IQGAP2: variants seen among roughly 807,000 people sequenced by gnomAD.
IQGAP2 encodes IQ motif containing GTPase activating protein 2, also known as ras GTPase-activating-like protein IQGAP2.
A neutral mutation model predicts 201.3 loss-of-function variants in IQGAP2; 173 were observed. The ratio of observed to expected loss-of-function variants is 0.86; its 90% CI spans 0.76 to 0.98. The LOEUF (loss-of-function observed/expected upper bound fraction) is 0.98. Among genes scored for constraint, IQGAP2 ranks in the 50% least tolerant of loss-of-function variants. The probability of loss-of-function intolerance (pLI) is 0.00; values close to 1 mark genes in which losing one functional copy is unlikely to be tolerated. For missense variants in IQGAP2, 1,687 were observed against 1,864.8 expected, an observed-to-expected ratio of 0.90 and a Z score of 1.76; for synonymous variants, 675 against 673.9, an observed-to-expected ratio of 1.00 and a Z score of -0.03.
chr5:76,594,800 A>G lies in IQGAP2; in HGVS notation c.907+1875A>G, dbSNP rs376874520. 1.3e-3 allele frequency among the ~76,000 whole-genome samples: 192 copies of G among 152,178 alleles called. 1 individual carries two copies. The South Asian group carries it at 0.038, about 30-fold the overall frequency. ...GCTAATATAGTGAAACCCTGTCTCTACTAAAAATACAAAAAGTCAGCCAGG... is the reference window on the plus strand; with the variant it reads ...GCTAATATAGTGAAACCCTGTCTCTGCTAAAAATACAAAAAGTCAGCCAGG... On this transcript the variant is annotated intron_variant, in intron 9 of 35. Transcript: ENST00000274364.
At chr5:76,523,406 A>G (rs1332613951) in intron 2 of IQGAP2, among the ~76,000 whole-genome samples, 1 of 152,140 alleles carries the variant, frequency 6.6e-6, no homozygotes, top group Non-Finnish European at 1.5e-5. Context: ...TTTCACTGGG[A>G]AAGATTATTG....
At chr5:76,658,361 G>T (rs951376091) in intron 20 of IQGAP2, 98 bp from the exon 21 acceptor site, 6 of 989,484 alleles carry the variant, frequency 6.1e-6, no homozygotes, top group Non-Finnish European at 9.5e-6. Context: ...ACTTTCATTG[G>T]TATATTTTTC....
intron 2 of IQGAP2, among the ~76,000 whole-genome samples, chr5:76,528,329 C>T (rs2150203498): frequency 6.8e-6 from 1 of 147,588 alleles, no homozygotes; most frequent in African/African-American, 2.5e-5. Flanking sequence ...TCCAGCAAGT[C>T]AGAGTTCCTT....
At chr5:76,694,774 A>C (rs1746576787) in intron 31 of IQGAP2, among the ~76,000 whole-genome samples, 1 of 152,246 alleles carries the variant, frequency 6.6e-6, no homozygotes, top group African/African-American at 2.4e-5. Flanking sequence ...CTATTGGGTC[A>C]GTCAATTGTC....
intron 13 of IQGAP2, chr5:76,624,224 A>T (rs1750013284): frequency 6.6e-6 from 1 of 152,212 alleles, no homozygotes; most frequent in South Asian, 2.1e-4. Context: ...ACAACATATA[A>T]GCTTTTATGA....
intron 1 of IQGAP2, among the ~76,000 whole-genome samples, chr5:76,425,837 T>G (rs996159105): frequency 2.0e-5 from 3 of 152,188 alleles, no homozygotes; most frequent in African/African-American, 7.2e-5. Context: ...ATAACACCAC[T>G]GTGCCTCATG....
intron 35 of IQGAP2, among the ~76,000 whole-genome samples, chr5:76,703,322 A>G (rs913600636): frequency 3.3e-5 from 5 of 151,942 alleles, no homozygotes; most frequent in African/African-American, 4.8e-5. Flanking sequence ...CATCTGGCTA[A>G]TTTCTGTATT....
At chr5:76,570,785 A>G in intron 4 of IQGAP2, 128 bp downstream of exon 4, 1 of 682,914 alleles carries the variant, frequency 1.5e-6, no homozygotes, top group Non-Finnish European at 2.6e-6. Context: ...AGGACTAAAA[A>G]ACATGGAAAG....
At position 76,575,731 on chromosome 5, in the gene IQGAP2, A is replaced by G. The variant is rs761328324; in HGVS notation, c.420A>G (p.Lys140=). ...YPETTDVYDR[K]NIPRMIYCIH... is the part of the protein sequence containing the mutation. ...AAACAACAGATGTCTATGATCGGAA[A>G]AACATACCAAGAATGATATATTGCA... is the stretch of plus-strand genomic sequence containing the variant. Residue 140 remains lysine, a synonymous_variant, in exon 5 of 36, where the codon AAA becomes AAG. Transcript: ENST00000274364. 6.3e-7 allele frequency: 1 copy of G among 1,596,390 alleles called. No individual in the cohort carries two copies. Among genetic ancestry groups the G allele is most frequent in the Non-Finnish European group, 8.6e-7 (1 of 1,169,458 alleles).
intron 13 of IQGAP2, among the ~76,000 whole-genome samples, chr5:76,611,636 G>T (rs1231077201): frequency 7.2e-5 from 11 of 152,198 alleles, no homozygotes; most frequent in Non-Finnish European, 7.4e-5. Flanking sequence ...ATAAGGGTGT[G>T]CAAAGTGTCA....
At chr5:76,580,265 G>A (rs1372295393) in intron 5 of IQGAP2, among the ~76,000 whole-genome samples, 2 of 147,148 alleles carry the variant, frequency 1.4e-5, no homozygotes, top group African/African-American at 5.1e-5. Context: ...AACAGAGGGA[G>A]ACTCCATCTC....
intron 2 of IQGAP2, among the ~76,000 whole-genome samples, chr5:76,558,728 T>A (rs908756358): frequency 1.3e-5 from 2 of 152,202 alleles, no homozygotes; most frequent in Admixed American, 1.3e-4. Flanking sequence ...AAGGACTTTA[T>A]CACCAAATTC....
chr5:76,503,837 C>A (rs528647076), intron 2 of IQGAP2, among the ~76,000 whole-genome samples: 10 of 152,252 alleles, frequency 6.6e-5, no homozygotes, highest in African/African-American at 1.9e-4. Context: ...AGGTGATCCA[C>A]CCACCTCAGC....
At position 76,693,399 on chromosome 5, in the gene IQGAP2, A is replaced by G. The variant is rs745600734; in HGVS notation, c.3950A>G (p.Asn1317Ser). 1.9e-6 allele frequency: 3 copies of G among 1,613,954 alleles called. No individual in the cohort carries two copies. The highest frequency in any genetic ancestry group is 2.5e-6 in the Non-Finnish European group (3 of 1,179,858). Residue 1317 changes from asparagine to serine, a missense_variant, in exon 31 of 36, where the codon AAC becomes AGC. Asn to Ser is a conservative substitution (Grantham distance 46). Coordinates refer to ENST00000274364, the MANE Select transcript of IQGAP2 (RefSeq NM_006633.5). Reference sequence around the variant, plus strand: ...GATGTGATCCGGAACCAGCCAGGGAACACATTGACAGAAATCTTAGAGACA... The same window carrying G: ...GATGTGATCCGGAACCAGCCAGGGAGCACATTGACAGAAATCTTAGAGACA... ...IIDVIRNQPG[N>S]TLTEILETPA...
At chr5:76,660,996 G>A (rs1388973629) in intron 21 of IQGAP2, among the ~76,000 whole-genome samples, 2 of 152,112 alleles carry the variant, frequency 1.3e-5, no homozygotes, top group Admixed American at 1.3e-4. Flanking sequence ...TAGTGCCTAA[G>A]GTAGTATGAT....
chr5:76,495,914 C>T (rs949852680), intron 2 of IQGAP2, among the ~76,000 whole-genome samples: 3 of 152,308 alleles, frequency 2.0e-5, no homozygotes, highest in Non-Finnish European at 2.9e-5. Flanking sequence ...CCTCCAACAC[C>T]GGGAATCACA....
rs1193818706 is a variant in IQGAP2, at chr5:76,461,551, T to A, written c.47-19T>A. ...AAGACTGCCTTTGTAAATCACATGT[T>A]GTTATCCTCTATTTCTAGCTATTGT... On this transcript the variant is annotated intron_variant, in intron 1 of 35. Coordinates refer to ENST00000274364, the MANE Select transcript of IQGAP2 (RefSeq NM_006633.5). 7 of 1,573,626 alleles carry A rather than the reference T, an allele frequency of 4.4e-6. No homozygotes were observed. In the Admixed American group the frequency reaches 6.7e-5, roughly 15 times the overall value.
chr5:76,645,830 A>T (rs868798520), intron 17 of IQGAP2, among the ~76,000 whole-genome samples: 17 of 1,366 alleles, frequency 0.012, no homozygotes, highest in African/African-American at 0.083. Context: ...TAGTATATTA[A>T]AAAAAAAAAA....
chr5:76,412,051 T>A (rs1751153565), intron 1 of IQGAP2, among the ~76,000 whole-genome samples: 1 of 152,210 alleles, frequency 6.6e-6, no homozygotes, highest in Non-Finnish European at 1.5e-5. Flanking sequence ...CTTACAGTGT[T>A]ATTCATTTAT....
Sources: allele counts gnomAD v4.1 joint callset (sites outside exome capture counted in the v4.1 genomes callset), GRCh38; gene constraint gnomAD v4.1.1; transcripts MANE v1.5; gene names NCBI Gene and HGNC (gene_info 2026-07-23, HGNC 2026-07-21).